ZNF217: variants seen among roughly 807,000 people sequenced by gnomAD.
The protein encoded by ZNF217 is zinc finger protein 217.
In ZNF217, 12 loss-of-function variants were observed where a neutral mutation model predicts 73.3. The ratio of observed to expected loss-of-function variants is 0.16; its 90% CI spans 0.10 to 0.27. The LOEUF is 0.27. ZNF217 is among the 10% of genes least tolerant of loss of function. ZNF217 has a pLI of 1.00. For synonymous variants in ZNF217, 588 were observed against 516.4 expected (o/e 1.14, Z -1.88); for missense variants, 1,195 against 1,327.8 (o/e 0.90, Z 1.55).
chr20:53,575,891 T>C lies in ZNF217; in HGVS notation c.2873A>G (p.Asp958Gly), dbSNP rs2145937311. The C allele has an allele frequency of 6.2e-7, 1 of 1,614,194 alleles. No homozygotes were observed. Among genetic ancestry groups the C allele is most frequent in the Non-Finnish European group, 8.5e-7 (1 of 1,180,040 alleles). ...CAGCGCCTGCGACGGATACACACAG[T>C]CCTGCGGTAACAGTGATGTGATGCC... is the stretch of plus-strand genomic sequence containing the variant. ...VRGITSLLPQDCVYPSQALPP... is the reference protein window; with the variant it reads ...VRGITSLLPQGCVYPSQALPP... The change falls in exon 4 of 6, where the codon GAC becomes GGC. Residue 958 changes from aspartate (D) to glycine (G), a missense_variant. Asp to Gly is a moderately conservative substitution (Grantham distance 94). Coordinates refer to ENST00000371471, the MANE Select transcript of ZNF217 (RefSeq NM_006526.3).
intron 4 of ZNF217, among the ~76,000 whole-genome samples, chr20:53,572,368 G>A (rs1289174505): frequency 1.3e-5 from 2 of 151,758 alleles, no homozygotes; most frequent in Non-Finnish European, 2.9e-5. Context: ...AGCCGTGATT[G>A]CCCCCACTGC....
At position 53,582,450 on chromosome 20, in the gene ZNF217, T is replaced by C. The variant is rs182254291; in HGVS notation, c.377A>G (p.Asn126Ser). ...CCCACATACCTCACAGCTAAATTCATTTTCCTTGCAATTCTTTTCCTTGGG... is the reference window on the plus strand; with the variant it reads ...CCCACATACCTCACAGCTAAATTCACTTTCCTTGCAATTCTTTTCCTTGGG... The part of the protein sequence containing the change: ...EPPKEKNCKE[N>S]EFSCEVCGQT... Residue 126 changes from asparagine (N) to serine (S), a missense_variant, in exon 2 of 6, where the codon AAT (asparagine) becomes AGT (serine). Transcript: ENST00000371471. This position sits in a 1 kb window ranked among gnomAD's most constrained non-coding sequence, Gnocchi z 4.8. 6.2e-7 allele frequency: 1 copy of C among 1,614,214 alleles called. No individual in the cohort carries two copies. Among genetic ancestry groups the C allele is most frequent in the Non-Finnish European group, 8.5e-7 (1 of 1,180,040 alleles).
At chr20:53,572,135 A>G (rs967883447) in intron 4 of ZNF217, among the ~76,000 whole-genome samples, 2 of 152,236 alleles carry the variant, frequency 1.3e-5, no homozygotes, top group Admixed American at 6.5e-5. Flanking sequence ...CTTGAAACGT[A>G]TATGCATCAT....
intron 1 of ZNF217, among the ~76,000 whole-genome samples, chr20:53,592,782 G>A (rs1434266646): frequency 2.0e-5 from 3 of 150,224 alleles, no homozygotes; most frequent in Non-Finnish European, 4.4e-5. Context: ...CAAGAGGGCT[G>A]TGCCTGAAAC....
At chr20:53,592,708 C>A (rs572976859) in intron 1 of ZNF217, among the ~76,000 whole-genome samples, 1 of 152,166 alleles carries the variant, frequency 6.6e-6, no homozygotes, top group South Asian at 2.1e-4. Flanking sequence ...CTCCCGGGCC[C>A]CCAGCAGCGC....
rs552860840 is a variant in ZNF217 at position 53,567,354 on chromosome 20, T to C, written c.*1934A>G. 8 of 152,728 alleles carry C rather than the reference T, an allele frequency of 5.2e-5. No individual in the cohort carries two copies. The South Asian group carries it at 1.4e-3, about 28-fold the overall frequency. The allele number at this position is 152,728 out of a possible 1,614,324, so 9.5% of individuals were successfully genotyped here. The stretch of plus-strand genomic sequence containing the variant: ...ACATATTTTGAAGTACAAAGGGCTG[T>C]AGGAAAATAATTGGTATTTTTATAC... On this transcript the variant is annotated 3_prime_UTR_variant, in exon 6 of 6. Transcript: ENST00000371471.
At position 53,576,280 on chromosome 20, in the gene ZNF217, C is replaced by A. The variant is rs753567630; in HGVS notation, c.2484G>T (p.Gly828=). The A allele has an allele frequency of 2.5e-6, 4 of 1,614,050 alleles. No individual in the cohort carries two copies. In the African/African-American group the frequency reaches 4.0e-5, roughly 16 times the overall value. ...GTTGCCTGGTGGCGGCCCCTTGGAC[C>A]CCCACATTCTGCTGTGGTCTGTGGG... The part of the protein sequence containing the change: ...LKSHRPQQNV[G]VQGAATRQQQ... The change falls in exon 4 of 6, where the codon GGG becomes GGT. Residue 828 remains glycine (G), a synonymous_variant. Transcript: ENST00000371471.
chr20:53,571,107 G>T (rs1226359837), intron 5 of ZNF217, among the ~76,000 whole-genome samples: 2 of 152,160 alleles, frequency 1.3e-5, no homozygotes, highest in Non-Finnish European at 2.9e-5. Context: ...AAACTTTATT[G>T]ATGATGATGC....
At chr20:53,569,853 AGGAGGCTGT>A (rs1442005332) in intron 5 of ZNF217, among the ~76,000 whole-genome samples, 1 of 152,164 alleles carries the variant, frequency 6.6e-6, no homozygotes, top group Non-Finnish European at 1.5e-5. Flanking sequence ...CCAGCTACTC[AGGAGGCTGT>A]GGTGGGAGGA....
intron 1 of ZNF217, among the ~76,000 whole-genome samples, chr20:53,585,133 A>G (rs1988650490): frequency 1.4e-5 from 2 of 143,530 alleles, no homozygotes; most frequent in South Asian, 2.2e-4. Context: ...GTTAGTCCCT[A>G]TGTCAGCTCT....
upstream of ZNF217, among the ~76,000 whole-genome samples, chr20:53,596,237 T>C (rs1429703298): frequency 3.9e-5 from 5 of 128,456 alleles, no homozygotes; most frequent in East Asian, 6.1e-4. Flanking sequence ...TCGCCGCCTC[T>C]CTCAAAAAAA....
In ZNF217 at chr20:53,581,450, G is replaced by A. The variant is rs1480538801; in HGVS notation, c.1366+11C>T. Reference sequence around the variant, plus strand: ...GGCGGAACAGCACGGGACGGAGACAGGGCAGCTTACCCAGATGGATTCCTT... The same window carrying A: ...GGCGGAACAGCACGGGACGGAGACAAGGCAGCTTACCCAGATGGATTCCTT... On this transcript the variant is annotated intron_variant, in intron 2 of 5. Transcript: ENST00000371471. This position sits in a 1 kb window ranked among gnomAD's most constrained non-coding sequence, Gnocchi z 4.9. 6.3e-7 allele frequency: 1 copy of A among 1,597,072 alleles called. No individual in the cohort carries two copies. The highest frequency in any genetic ancestry group is 1.3e-5 in the African/African-American group (1 of 74,700).
rs757695130 is a variant in ZNF217, at chr20:53,567,519, C to G, written c.*1769G>C. On this transcript the variant is annotated 3_prime_UTR_variant, in exon 6 of 6. Coordinates refer to ENST00000371471, the MANE Select transcript of ZNF217 (RefSeq NM_006526.3). ...ATTCCAGCCCTCTATTATCACATACCCCCTTTAAGATTTATGGTTCTAGTC... is the reference window on the plus strand; with the variant it reads ...ATTCCAGCCCTCTATTATCACATACGCCCTTTAAGATTTATGGTTCTAGTC... The G allele has an allele frequency of 8.5e-5, 13 of 152,384 alleles. No individual in the cohort carries two copies. The highest frequency in any genetic ancestry group is 1.9e-4 in the Non-Finnish European group (13 of 67,998). 9.4% of individuals were successfully genotyped at this position (152,384 alleles called of 1,614,324 possible). A position where few individuals can be genotyped will look rare whatever the true frequency, so the allele number is the denominator to read the frequency against.
At chr20:53,572,917 C>G (rs1175008740) in intron 4 of ZNF217, 1 of 152,006 alleles carries the variant, frequency 6.6e-6, no homozygotes, top group Non-Finnish European at 1.5e-5. Context: ...GGGGAAAACC[C>G]CAGTCATCTA....
intron 3 of ZNF217, 122 bp downstream of exon 3, chr20:53,578,212 G>T: frequency 3.2e-6 from 2 of 619,120 alleles, no homozygotes; most frequent in Non-Finnish European, 5.7e-6. Context: ...CAATCAACAT[G>T]CTACATATTT....
intron 4 of ZNF217, chr20:53,575,386 T>C: frequency 5.3e-6 from 1 of 187,432 alleles, no homozygotes; most frequent in Admixed American, 5.7e-5. Flanking sequence ...GGCAGAAGGA[T>C]CTCTTGAACT....
Position 53,576,112 on chromosome 20 carries a change from G to A in ZNF217, c.2652C>T (p.Tyr884=), listed in dbSNP as rs1404005757. Residue 884 remains tyrosine, a synonymous_variant, in exon 4 of 6, where the codon TAC becomes TAT. Coordinates refer to ENST00000371471, the MANE Select transcript of ZNF217 (RefSeq NM_006526.3). ...GSSNINGSID[Y]PAKNDSPWAP... ...CCCACGGGCTGTCGTTCTTGGCGGG[G>A]TAGTCGATGGAACCATTGATGTTAC... is the stretch of plus-strand genomic sequence containing the variant. 6 of 1,614,224 alleles carry A rather than the reference G, an allele frequency of 3.7e-6. No homozygotes were observed. The highest frequency in any genetic ancestry group is 1.7e-5 in the Admixed American group (1 of 60,024).
At chr20:53,589,607 T>C (rs1471237505) in intron 1 of ZNF217, among the ~76,000 whole-genome samples, 1 of 152,236 alleles carries the variant, frequency 6.6e-6, no homozygotes, top group African/African-American at 2.4e-5. Context: ...GTCCCTGTTC[T>C]TCCACTTCCT....
chr20:53,576,222 A>C lies in ZNF217; in HGVS notation c.2542T>G (p.Ser848Ala), dbSNP rs760552517. The change falls in exon 4 of 6, where the codon TCC (serine) becomes GCC (alanine). Residue 848 changes from serine to alanine, a missense_variant. Transcript: ENST00000371471. ...CTTTTTGTCTTATCCGGTGCAGGGG[A>C]AACACTGGTTTTAGGAAACATCTCA... The part of the protein sequence containing the change: ...QSEMFPKTSV[S>A]PAPDKTKRPE... The C allele has an allele frequency of 2.1e-5, 34 of 1,614,036 alleles. No individual in the cohort carries two copies. The highest frequency in any genetic ancestry group is 2.9e-5 in the Non-Finnish European group (34 of 1,180,036).
Sources: allele counts gnomAD v4.1 joint callset (sites outside exome capture counted in the v4.1 genomes callset), GRCh38; gene constraint gnomAD v4.1.1; non-coding constraint Gnocchi (gnomAD v3.1); transcripts MANE v1.5; gene names NCBI Gene and HGNC (gene_info 2026-07-23, HGNC 2026-07-21).